The following PLOD1 variants were observed in gnomAD, a reference collection of about 807,000 sequenced individuals.
The protein encoded by PLOD1 is procollagen-lysine,2-oxoglutarate 5-dioxygenase 1, also known as lysine hydroxylase.
Under a neutral mutation model 94.7 loss-of-function variants are expected in PLOD1, and 70 were observed. The ratio of observed to expected loss-of-function variants is 0.74; its 90% CI spans 0.61 to 0.90. The LOEUF is 0.90. PLOD1 is among the 40% of genes least tolerant of loss of function. The pLI is 0.00. For missense variants in PLOD1, 905 were observed against 972.7 expected (o/e 0.93, Z 0.93); for synonymous variants, 417 against 400.2 (o/e 1.04, Z -0.50).
chr1:11,954,892 G>T lies in PLOD1; in HGVS notation c.642G>T (p.Leu214Phe). 6.2e-7 allele frequency: 1 copy of T among 1,611,888 alleles called. No individual in the cohort carries two copies. Among genetic ancestry groups the T allele is most frequent in the South Asian group, 1.1e-5 (1 of 91,018 alleles). ...TCTTCCAGAACCTGGATGGAGCCTT[G>T]GGTGAGCAGCCCCCACGGGGAGGGG... ...CRIFQNLDGA[L>F]DEVVLKFEMG... The change falls in exon 6 of 19, where the codon TTG (leucine) becomes TTT (phenylalanine). Residue 214 changes from leucine (L) to phenylalanine (F), a missense_variant and splice_region_variant. Physicochemically the swap from Leu to Phe is conservative, Grantham distance 22. Transcript: ENST00000196061.
chr1:11,954,762 G>T, intron 5 of PLOD1, 68 bp from the exon 6 acceptor site: 6 of 1,158,100 alleles, frequency 5.2e-6, no homozygotes, highest in Non-Finnish European at 6.5e-6. Flanking sequence ...CCCCACACTG[G>T]GTGAGATGTA....
intron 1 of PLOD1, among the ~76,000 whole-genome samples, chr1:11,935,882 C>G (rs1462615316): frequency 1.3e-5 from 2 of 152,040 alleles, no homozygotes; most frequent in Non-Finnish European, 2.9e-5. Context: ...CTCAGCCTCC[C>G]AAAATGTTTG....
intron 1 of PLOD1, among the ~76,000 whole-genome samples, chr1:11,936,530 A>C (rs966298374): frequency 2.0e-5 from 3 of 151,464 alleles, no homozygotes; most frequent in Non-Finnish European, 2.9e-5. Flanking sequence ...TTATTTATTT[A>C]ATTTTTTTTT....
chr1:11,965,684 G>A, intron 14 of PLOD1, 91 bp downstream of exon 14: 1 of 812,186 alleles, frequency 1.2e-6, no homozygotes, highest in African/African-American at 1.7e-5. Flanking sequence ...TCTTACAACA[G>A]CCAGGACCCC....
chr1:11,967,426 G>C (rs1419534997), intron 16 of PLOD1, among the ~76,000 whole-genome samples: 3 of 151,352 alleles, frequency 2.0e-5, no homozygotes, highest in Non-Finnish European at 4.4e-5. Context: ...GGCCAAGGTG[G>C]GATGAGGGGC....
intron 10 of PLOD1, among the ~76,000 whole-genome samples, chr1:11,961,811 C>T (rs1182351571): frequency 6.6e-6 from 1 of 152,096 alleles, no homozygotes; most frequent in Non-Finnish European, 1.5e-5. Context: ...TATTTAGAGA[C>T]TGAGTCTCAC....
chr1:11,955,144 G>C (rs1248784886), intron 6 of PLOD1, among the ~76,000 whole-genome samples: 1 of 152,196 alleles, frequency 6.6e-6, no homozygotes, highest in African/African-American at 2.4e-5. Flanking sequence ...GCAGGTGCTG[G>C]ACCCCCTGCC....
At chr1:11,970,487 ATAATCTC>A (rs1645853744) in intron 16 of PLOD1, among the ~76,000 whole-genome samples, 176 bp from the exon 17 acceptor site, 1 of 152,170 alleles carries the variant, frequency 6.6e-6, no homozygotes, top group Non-Finnish European at 1.5e-5. Flanking sequence ...CCCCCCCAGG[ATAATCTC>A]CCTTTTGATT....
chr1:11,964,916 C>A, intron 13 of PLOD1, 131 bp downstream of exon 13: 2 of 1,014,722 alleles, frequency 2.0e-6, no homozygotes, highest in Non-Finnish European at 3.0e-6. Context: ...TCTAGCAGGG[C>A]ATCTCGGAAG....
Position 11,947,831 on chromosome 1 carries a change from C to G in PLOD1, c.77-145C>G, listed in dbSNP as rs549651771. Reference sequence around the variant, plus strand: ...CTGGGTTATTTCCTGCTCTATCATCCTTTCTTCCCTGGGCCCTGTTCTGTA... The same window carrying G: ...CTGGGTTATTTCCTGCTCTATCATCGTTTCTTCCCTGGGCCCTGTTCTGTA... On this transcript the variant is annotated intron_variant, in intron 1 of 18. Transcript: ENST00000196061. The G allele has an allele frequency of 2.8e-5, 19 of 671,348 alleles. No individual in the cohort carries two copies. In the East Asian group the frequency reaches 4.1e-4, roughly 14 times the overall value. The allele number at this position is 671,348 out of a possible 1,614,324, so 41.6% of individuals were successfully genotyped here. A position where few individuals can be genotyped will look rare whatever the true frequency, so the allele number is the denominator to read the frequency against.
chr1:11,936,532 T>C (rs1645579808), intron 1 of PLOD1, among the ~76,000 whole-genome samples: 1 of 151,386 alleles, frequency 6.6e-6, no homozygotes, highest in Non-Finnish European at 1.5e-5. Context: ...ATTTATTTAA[T>C]TTTTTTTTGA....
At position 11,960,753 on chromosome 1, in the gene PLOD1, C is replaced by T. The variant is rs1159010003; in HGVS notation, c.1083C>T (p.Ala361=). 3 of 1,613,192 alleles carry T rather than the reference C, an allele frequency of 1.9e-6. No individual in the cohort carries two copies. In the Admixed American group the frequency reaches 5.0e-5, roughly 27 times the overall value. Reference sequence around the variant, plus strand: ...AGGTGCGGATGGCGAATGCAGATGCCAGGAACATGGGCGCGTGAGTTGTGG... The same window carrying T: ...AGGTGCGGATGGCGAATGCAGATGCTAGGAACATGGGCGCGTGAGTTGTGG... ...GPEVRMANAD[A]RNMGADLCRQ... is the part of the protein sequence containing the mutation. The change falls in exon 10 of 19, where the codon GCC becomes GCT. Residue 361 remains alanine (A), a synonymous_variant. Transcript: ENST00000196061.
intron 10 of PLOD1, among the ~76,000 whole-genome samples, chr1:11,961,686 T>C (rs932335487): frequency 2.0e-5 from 3 of 152,228 alleles, no homozygotes; most frequent in Non-Finnish European, 2.9e-5. Flanking sequence ...CATAGCTTAC[T>C]GTAGCCTCAA....
In PLOD1 at chr1:11,960,384, G is replaced by A. The variant is rs57286355; in HGVS notation, c.976-262G>A. On this transcript the variant is annotated intron_variant, in intron 9 of 18. Transcript: ENST00000196061. ...TGTCTCTGGATGTGGGATCCTGAGC[G>A]TGGTGGCGGAGCTCTATCCTGATGA... is the stretch of plus-strand genomic sequence containing the variant. 0.065 allele frequency among the ~76,000 whole-genome samples: 9,863 copies of A among 152,282 alleles called. 1,052 individuals are homozygous for A. Among genetic ancestry groups the A allele is most frequent in the African/African-American group, 0.22 (9,284 of 41,526 alleles).
rs967684441 is a variant in PLOD1, at chr1:11,952,718, T to C, written c.562T>C (p.Leu188=). ...SDQLFYTKIF[L]DPEKREQINI... Reference sequence around the variant, plus strand: ...TCAGCTGTTTTACACCAAGATCTTCTTGGACCCGGAGAAGAGGGTAAGAGG... The same window carrying C: ...TCAGCTGTTTTACACCAAGATCTTCCTGGACCCGGAGAAGAGGGTAAGAGG... Residue 188 remains leucine (L), a synonymous_variant, in exon 5 of 19, where the codon TTG becomes CTG. Coordinates refer to ENST00000196061, the MANE Select transcript of PLOD1 (RefSeq NM_000302.4). The C allele has an allele frequency of 1.9e-6, 3 of 1,613,354 alleles. No homozygotes were observed. Among genetic ancestry groups the C allele is most frequent in the Non-Finnish European group, 2.5e-6 (3 of 1,179,364 alleles).
chr1:11,974,789 TC>T lies in PLOD1; in HGVS notation c.2166del (p.Ser723ProfsTer91), dbSNP rs1449042082. 3 of 1,614,048 alleles carry T rather than the reference TC, an allele frequency of 1.9e-6. No individual in the cohort carries two copies. Among genetic ancestry groups the T allele is most frequent in the Non-Finnish European group, 1.7e-6 (2 of 1,180,008 alleles). On this transcript the variant is annotated frameshift_variant, in exon 19 of 19. Coordinates refer to ENST00000196061, the MANE Select transcript of PLOD1 (RefSeq NM_000302.4). LOFTEE classifies it high-confidence loss of function. ...PTTRGTRYIA[V>X]SFVDP Reference sequence around the variant, plus strand: ...ACCAGGGGCACCCGCTACATCGCAGTCTCCTTCGTCGATCCCTAATTGGCCA... The same window carrying T: ...ACCAGGGGCACCCGCTACATCGCAGTTCCTTCGTCGATCCCTAATTGGCCA...
chr1:11,960,419 T>C (rs1645769709), intron 9 of PLOD1, among the ~76,000 whole-genome samples: 1 of 152,122 alleles, frequency 6.6e-6, no homozygotes, highest in African/African-American at 2.4e-5. Flanking sequence ...ACAGAGGCTC[T>C]TAGGAGGCCT....
intron 16 of PLOD1, among the ~76,000 whole-genome samples, chr1:11,969,762 TA>T (rs1645847563): frequency 6.6e-6 from 1 of 152,168 alleles, no homozygotes; most frequent in Admixed American, 6.6e-5. Flanking sequence ...CCTGCAGCTG[TA>T]GAACTTAACT....
chr1:11,950,326 C>G (rs1264177496), intron 3 of PLOD1, 31 bp from the exon 4 acceptor site: 2 of 1,612,754 alleles, frequency 1.2e-6, no homozygotes, highest in Non-Finnish European at 1.7e-6. Flanking sequence ...CACCCTTGCC[C>G]TGCTCCGTCT....
Sources: gnomAD v4.1 joint callset for allele counts (sites outside exome capture counted in the v4.1 genomes callset) on GRCh38, gnomAD v4.1.1 for gene constraint, MANE v1.5 for transcripts, NCBI Gene and HGNC (gene_info 2026-07-23, HGNC 2026-07-21) for gene names.